TYW3: variants seen among roughly 807,000 people sequenced by gnomAD.
The protein encoded by TYW3 is tRNA-yW synthesizing protein 3 homolog.
A neutral mutation model predicts 23.1 loss-of-function variants in TYW3; 26 were observed. The observed-to-expected ratio is 1.13, with a 90% CI of 0.83 to 1.56. The LOEUF (loss-of-function observed/expected upper bound fraction) is 1.56, where lower values mean the gene tolerates loss of function less well. Ranked by LOEUF, TYW3 falls within the 40% of genes most tolerant of loss-of-function variation. TYW3 has a pLI of 0.00. For synonymous variants in TYW3, 102 were observed against 105.7 expected, an observed-to-expected ratio of 0.97 and a Z score of 0.21; for missense variants, 316 against 311.9, an observed-to-expected ratio of 1.01 and a Z score of -0.10.
At chr1:74,748,892 C>T in intron 4 of TYW3, 70 bp downstream of exon 4, 2 of 1,345,088 alleles carry the variant, frequency 1.5e-6, no homozygotes, top group Non-Finnish European at 2.1e-6. Flanking sequence ...CCTAATTAGA[C>T]TCCTGCCTTT....
At chr1:74,737,755 A>G (rs1368753238) in intron 2 of TYW3, among the ~76,000 whole-genome samples, 2 of 152,234 alleles carry the variant, frequency 1.3e-5, no homozygotes, top group Non-Finnish European at 2.9e-5. Context: ...AGTGCTACCT[A>G]GGGAAGAGAC....
At chr1:74,759,346 T>C (rs1392817075) in intron 5 of TYW3, among the ~76,000 whole-genome samples, 1 of 151,910 alleles carries the variant, frequency 6.6e-6, no homozygotes. Flanking sequence ...TGCTAGTCTT[T>C]ATCATTTTTC....
At chr1:74,733,654 G>A (rs1228816989) in intron 1 of TYW3, 2 of 744,152 alleles carry the variant, frequency 2.7e-6, no homozygotes, top group Non-Finnish European at 1.6e-6. Context: ...TAAGTGTAGG[G>A]TAGGGCCTGA....
chr1:74,752,153 AATTCT>A, intron 4 of TYW3, 134 bp from the exon 5 acceptor site: 2 of 805,714 alleles, frequency 2.5e-6, no homozygotes, highest in Non-Finnish European at 1.8e-6. Context: ...TGCTCAGCTA[AATTCT>A]ATCAAAGCGC....
chr1:74,760,041 G>A (rs1649084878), intron 5 of TYW3, among the ~76,000 whole-genome samples: 1 of 152,186 alleles, frequency 6.6e-6, no homozygotes, highest in African/African-American at 2.4e-5. Flanking sequence ...CACATGTATT[G>A]TATGTTATAT....
chr1:74,736,895 A>G (rs1648174877), intron 2 of TYW3, among the ~76,000 whole-genome samples: 1 of 152,222 alleles, frequency 6.6e-6, no homozygotes, highest in Non-Finnish European at 1.5e-5. Context: ...CAAATTTTGA[A>G]TTTTAATTCT....
At chr1:74,754,013 A>G (rs1179839311) in intron 5 of TYW3, among the ~76,000 whole-genome samples, 1 of 152,216 alleles carries the variant, frequency 6.6e-6, no homozygotes, top group Non-Finnish European at 1.5e-5. Context: ...TTGAGCAGGT[A>G]TTCTAACTAA....
chr1:74,759,888 C>T (rs983326861), intron 5 of TYW3, among the ~76,000 whole-genome samples: 8 of 152,112 alleles, frequency 5.3e-5, no homozygotes, highest in Admixed American at 5.2e-4. Flanking sequence ...CAAGTGATTG[C>T]CCGCCTTGGC....
At chr1:74,747,549 A>G (rs1648607665) in intron 3 of TYW3, among the ~76,000 whole-genome samples, 1 of 149,896 alleles carries the variant, frequency 6.7e-6, no homozygotes. Flanking sequence ...AGGCAGGAGA[A>G]TGGCGTGAAC....
At chr1:74,735,746 C>T (rs1304573018) in intron 1 of TYW3, among the ~76,000 whole-genome samples, 1 of 152,168 alleles carries the variant, frequency 6.6e-6, no homozygotes, top group Non-Finnish European at 1.5e-5. Context: ...CGAAGTCATA[C>T]AATGAAGTCA....
intron 5 of TYW3, among the ~76,000 whole-genome samples, chr1:74,762,068 T>C (rs1416503159): frequency 6.6e-6 from 1 of 152,124 alleles, no homozygotes; most frequent in Non-Finnish European, 1.5e-5. Context: ...GTTTTTGAGA[T>C]TAATTCATTC....
At chr1:74,754,720 G>A (rs543157443) in intron 5 of TYW3, among the ~76,000 whole-genome samples, 5 of 152,044 alleles carry the variant, frequency 3.3e-5, no homozygotes, top group Middle Eastern at 3.4e-3. Flanking sequence ...AAAAAAAAAG[G>A]CCTTGTTCAT....
intron 3 of TYW3, 25 bp from the exon 4 acceptor site, chr1:74,748,726 T>G: frequency 6.2e-7 from 1 of 1,608,308 alleles, no homozygotes; most frequent in Non-Finnish European, 8.5e-7. Flanking sequence ...AGTATCAAAA[T>G]GTAACAAGTT....
chr1:74,755,726 A>C (rs1648929775), intron 5 of TYW3, among the ~76,000 whole-genome samples: 1 of 152,238 alleles, frequency 6.6e-6, no homozygotes, highest in South Asian at 2.1e-4. Context: ...TATTGGAAGA[A>C]GTCACTGAGC....
rs191933418 is a variant in TYW3 at position 74,763,285 on chromosome 1, A to G, written c.561-609A>G. 5.9e-5 allele frequency among the ~76,000 whole-genome samples: 9 copies of G among 152,246 alleles called. No homozygotes were observed. The East Asian group carries it at 1.4e-3, about 23-fold the overall frequency. On this transcript the variant is annotated intron_variant, in intron 5 of 5. Transcript: ENST00000370867. ...AATGGCTAAAAACTCACATCACATC[A>G]TTTTCAAAAATGCTTACCACATTTT...
chr1:74,734,355 TCA>T (rs1648054796), intron 1 of TYW3, among the ~76,000 whole-genome samples: 1 of 152,168 alleles, frequency 6.6e-6, no homozygotes, highest in Non-Finnish European at 1.5e-5. Flanking sequence ...TGTGGTGGTA[TCA>T]CAGTGCTTGT....
chr1:74,736,217 T>C (rs1570048276), intron 1 of TYW3: 2 of 175,752 alleles, frequency 1.1e-5, no homozygotes, highest in East Asian at 3.0e-4. Flanking sequence ...AATACTGTGC[T>C]AGCCAAATAG....
At chr1:74,739,781 G>A (rs960675991) in intron 3 of TYW3, among the ~76,000 whole-genome samples, 6 of 152,236 alleles carry the variant, frequency 3.9e-5, no homozygotes, top group Non-Finnish European at 8.8e-5. Flanking sequence ...AGTGCAGTAA[G>A]TGAAAAGATA....
At chr1:74,747,261 G>A (rs114314125) in intron 3 of TYW3, among the ~76,000 whole-genome samples, 5,117 of 152,286 alleles carry the variant, frequency 0.034, 122 homozygotes, top group Non-Finnish European at 0.053. Flanking sequence ...TTGGGTATAG[G>A]GGATGAAGAA....
Sources: allele counts gnomAD v4.1 joint callset (sites outside exome capture counted in the v4.1 genomes callset), GRCh38; gene constraint gnomAD v4.1.1; transcripts MANE v1.5; gene names NCBI Gene and HGNC (gene_info 2026-07-23, HGNC 2026-07-21).